FLT3: variants seen among roughly 807,000 people sequenced by gnomAD.
The protein encoded by FLT3 is receptor-type tyrosine-protein kinase FLT3.
Under a neutral mutation model 126.6 loss-of-function variants are expected in FLT3, and 46 were observed. That is an observed-to-expected ratio of 0.36 (90% CI 0.29 to 0.46). The LOEUF (loss-of-function observed/expected upper bound fraction) is 0.46. Among genes scored for constraint, FLT3 ranks in the 20% least tolerant of loss-of-function variants. The pLI, the probability that FLT3 is intolerant of heterozygous loss-of-function variation, is 1.00. For missense variants in FLT3, 1,069 were observed against 1,190.3 expected (o/e 0.90, Z 1.50); for synonymous variants, 404 against 434.4 (o/e 0.93, Z 0.87).
chr13:28,065,632 A>T (rs1458430632), intron 2 of FLT3, among the ~76,000 whole-genome samples: 1 of 140,950 alleles, frequency 7.1e-6, no homozygotes, highest in Non-Finnish European at 1.5e-5. Flanking sequence ...ACGGAGCGAG[A>T]TCTTGTCTCA....
At chr13:28,018,625 A>AT (rs1404677798) in intron 19 of FLT3, 36 bp from the exon 20 acceptor site, 1 of 1,610,896 alleles carries the variant, frequency 6.2e-7, no homozygotes, top group Admixed American at 1.7e-5. Flanking sequence ...ATTTACTGTG[A>AT]TGTGTATTAT....
intron 15 of FLT3, among the ~76,000 whole-genome samples, chr13:28,030,675 G>A (rs896346847): frequency 1.8e-4 from 27 of 151,522 alleles, no homozygotes; most frequent in Admixed American, 5.3e-4. Flanking sequence ...AGAAAGGCCC[G>A]GGCAAAATAG....
chr13:28,003,869 A>T lies in FLT3; in HGVS notation c.*183T>A. 1 of 651,696 alleles carries T rather than the reference A, an allele frequency of 1.5e-6. No individual in the cohort carries two copies. The highest frequency in any genetic ancestry group is 2.0e-5 in the South Asian group (1 of 50,138). 40.4% of individuals were successfully genotyped at this position (651,696 alleles called of 1,614,324 possible). A position where few individuals can be genotyped will look rare whatever the true frequency, so the allele number is the denominator to read the frequency against. On this transcript the variant is annotated 3_prime_UTR_variant, in exon 24 of 24. Coordinates refer to ENST00000241453, the MANE Select transcript of FLT3 (RefSeq NM_004119.3). ...GCTCCTCCTGCCTTGTGACAGGATGATTTGATTTTACAAAAGTCCCTTTGA... is the reference window on the plus strand; with the variant it reads ...GCTCCTCCTGCCTTGTGACAGGATGTTTTGATTTTACAAAAGTCCCTTTGA...
At chr13:28,025,194 C>A (rs779716958) in intron 17 of FLT3, 5 of 508,670 alleles carry the variant, frequency 9.8e-6, no homozygotes, top group Non-Finnish European at 1.8e-5. Context: ...TCACTCAATC[C>A]TTGCCACAAC....
chr13:28,039,584 T>C (rs1874163263), intron 9 of FLT3, among the ~76,000 whole-genome samples: 1 of 149,578 alleles, frequency 6.7e-6, no homozygotes. Context: ...AGTCTCACTC[T>C]GTCGCCCAGG....
intron 5 of FLT3, among the ~76,000 whole-genome samples, chr13:28,050,522 A>G (rs1354010063): frequency 3.9e-5 from 6 of 152,158 alleles, no homozygotes; most frequent in East Asian, 1.9e-4. Flanking sequence ...AAAGAAAGGG[A>G]AAAAAATGAG....
chr13:28,021,844 G>A (rs1406466314), intron 19 of FLT3, among the ~76,000 whole-genome samples: 4 of 151,602 alleles, frequency 2.6e-5, no homozygotes, highest in Non-Finnish European at 5.9e-5. Context: ...CCAGGTTCAT[G>A]CCATTCTCCT....
intron 17 of FLT3, chr13:28,025,306 T>G: frequency 2.4e-6 from 1 of 413,366 alleles, no homozygotes; most frequent in Admixed American, 3.4e-5. Flanking sequence ...CTTTGGTTTC[T>G]GAACTCAGCC....
In FLT3 at chr13:28,100,452, G is replaced by A; in HGVS notation, c.43+16C>T. Reference sequence around the variant, plus strand: ...AGGGACCGCGAGGGGCTGCGAGCGAGCGAGCGGGGCCTTACCGAGCAGCGG... The same window carrying A: ...AGGGACCGCGAGGGGCTGCGAGCGAACGAGCGGGGCCTTACCGAGCAGCGG... On this transcript the variant is annotated intron_variant, in intron 1 of 23. Transcript: ENST00000241453. This position sits in a 1 kb window ranked among gnomAD's most constrained non-coding sequence, Gnocchi z 4.8. The A allele has an allele frequency of 8.2e-7, 1 of 1,217,188 alleles. No homozygotes were observed. Among genetic ancestry groups the A allele is most frequent in the Non-Finnish European group, 1.0e-6 (1 of 978,528 alleles). The allele number at this position is 1,217,188 out of a possible 1,614,324, so 75.4% of individuals were successfully genotyped here. A position where few individuals can be genotyped will look rare whatever the true frequency, so the allele number is the denominator to read the frequency against.
chr13:28,029,973 A>G (rs1448869650), intron 15 of FLT3, among the ~76,000 whole-genome samples: 1 of 152,208 alleles, frequency 6.6e-6, no homozygotes, highest in African/African-American at 2.4e-5. Flanking sequence ...GGGCAGCCAC[A>G]GGGGCAAGGG....
At chr13:28,094,049 A>T (rs542118011) in intron 1 of FLT3, among the ~76,000 whole-genome samples, 26 of 152,326 alleles carry the variant, frequency 1.7e-4, no homozygotes, top group Middle Eastern at 6.8e-3. Flanking sequence ...CAAGGAGTGC[A>T]GCTGTGCTTT....
At chr13:28,073,133 G>A (rs1002308753) in intron 1 of FLT3, among the ~76,000 whole-genome samples, 1 of 152,112 alleles carries the variant, frequency 6.6e-6, no homozygotes, top group African/African-American at 2.4e-5. Context: ...TTGAGGCCAG[G>A]AGTTTGAGAC....
chr13:28,052,733 C>G, intron 4 of FLT3, 59 bp from the exon 5 acceptor site: 1 of 1,241,192 alleles, frequency 8.1e-7, no homozygotes, highest in Non-Finnish European at 1.2e-6. Flanking sequence ...CTTAGCAGCC[C>G]CTCAGAAAAG....
chr13:28,040,587 C>A (rs947013281), intron 9 of FLT3, among the ~76,000 whole-genome samples: 2 of 152,112 alleles, frequency 1.3e-5, no homozygotes, highest in African/African-American at 2.4e-5. Flanking sequence ...TTTGAGCCCA[C>A]GTTTGTGTGA....
rs1269946798 is a variant in FLT3, at chr13:28,024,915, G to T, written c.2236C>A (p.His746Asn). ...SMPGSREVQI[H>N]PDSDQISGLH... ...CCTGAGATTTGATCCGAGTCCGGGT[G>T]TATCTGAACTTCTCTTGAACCAGGC... The change falls in exon 18 of 24, where the codon CAC becomes AAC. Residue 746 changes from histidine to asparagine, a missense_variant. Coordinates refer to ENST00000241453, the MANE Select transcript of FLT3 (RefSeq NM_004119.3). 24 of 1,611,556 alleles carry T rather than the reference G, an allele frequency of 1.5e-5. No homozygotes were observed. The highest frequency in any genetic ancestry group is 2.0e-5 in the Non-Finnish European group (24 of 1,178,846).
intron 1 of FLT3, among the ~76,000 whole-genome samples, chr13:28,072,931 G>C (rs547513036): frequency 6.6e-6 from 1 of 152,106 alleles, no homozygotes; most frequent in African/African-American, 2.4e-5. Flanking sequence ...CGTAAACCCG[G>C]GAGGCGGAGC....
At chr13:28,086,619 C>CGTGTGTGTGTGT (rs35797346) in intron 1 of FLT3, among the ~76,000 whole-genome samples, 66 of 134,830 alleles carry the variant, frequency 4.9e-4, no homozygotes, top group African/African-American at 1.2e-3. Context: ...CTGAAGAACT[C>CGTGTGTGTGTGT]GTGTGTGTGT....
intron 1 of FLT3, among the ~76,000 whole-genome samples, chr13:28,073,180 AT>A (rs1258717653): frequency 6.6e-6 from 1 of 151,768 alleles, no homozygotes; most frequent in Admixed American, 6.6e-5. Flanking sequence ...ATCTCTAAAA[AT>A]TTTTTTTAAA....
At chr13:28,071,933 C>T (rs1029511608) in intron 1 of FLT3, among the ~76,000 whole-genome samples, 1 of 152,052 alleles carries the variant, frequency 6.6e-6, no homozygotes, top group Non-Finnish European at 1.5e-5. Context: ...GCCTTGGCCT[C>T]CCAAGTTGTT....
Sources: allele counts gnomAD v4.1 joint callset (sites outside exome capture counted in the v4.1 genomes callset), GRCh38; gene constraint gnomAD v4.1.1; non-coding constraint Gnocchi (gnomAD v3.1); transcripts MANE v1.5; gene names NCBI Gene and HGNC (gene_info 2026-07-23, HGNC 2026-07-21).